ARL15: variants seen among roughly 807,000 people sequenced by gnomAD.
ARL15 encodes the protein ADP-ribosylation factor-like protein 15.
In ARL15, 19 loss-of-function variants were observed where a neutral mutation model predicts 25.2. The observed-to-expected ratio is 0.75, with a 90% confidence interval of 0.53 to 1.10. ARL15 has a LOEUF of 1.10. ARL15 is among the 50% of genes least tolerant of loss of function. ARL15 has a pLI of 0.00. For synonymous variants in ARL15, 94 were observed against 86.8 expected (o/e 1.08, Z -0.46); for missense variants, 220 against 246.0 (o/e 0.89, Z 0.71).
rs3836818 is a variant in ARL15, at chr5:54,075,073, GAAA to G, written c.462+38126_462+38128del. On this transcript the variant is annotated intron_variant, in intron 4 of 4. Transcript: ENST00000504924. ...GAATGATTCTTAGTACAGAATACAG[GAAA>G]AAAAAAAAAAAAAAAAGTCCTGGCC... is the stretch of plus-strand genomic sequence containing the variant. Among the ~76,000 whole-genome samples the G allele has an allele frequency of 1.9e-4, 12 of 63,910 alleles. 1 individual carries two copies. Among genetic ancestry groups the G allele is most frequent in the South Asian group, 1.2e-3 (2 of 1,620 alleles). The allele number at this position is 63,910 out of a possible 152,430, so 41.9% of individuals were successfully genotyped here.
chr5:54,119,131 C>G (rs1450290186), intron 3 of ARL15, among the ~76,000 whole-genome samples: 1 of 152,150 alleles, frequency 6.6e-6, no homozygotes, highest in African/African-American at 2.4e-5. Context: ...TCCAACGGCT[C>G]TTTGCACAGC....
chr5:53,943,913 C>T (rs886283532), intron 4 of ARL15, among the ~76,000 whole-genome samples: 2 of 152,124 alleles, frequency 1.3e-5, no homozygotes, highest in African/African-American at 4.8e-5. Context: ...TAGAATAGTG[C>T]AATGGCTTAA....
chr5:54,008,557 G>A (rs984212700), intron 4 of ARL15, among the ~76,000 whole-genome samples: 1 of 152,200 alleles, frequency 6.6e-6, no homozygotes, highest in Non-Finnish European at 1.5e-5. Context: ...TCACTAACCA[G>A]GGTTTTCTCT....
chr5:54,144,043 T>G (rs1753839909), intron 3 of ARL15, among the ~76,000 whole-genome samples: 1 of 151,990 alleles, frequency 6.6e-6, no homozygotes, highest in African/African-American at 2.4e-5. Context: ...CATGTTAAAA[T>G]CAGAAATAAA....
At chr5:54,079,919 G>T (rs895878079) in intron 4 of ARL15, among the ~76,000 whole-genome samples, 1 of 151,386 alleles carries the variant, frequency 6.6e-6, no homozygotes, top group African/African-American at 2.4e-5. Flanking sequence ...GCAGTGAGCT[G>T]AGATCATGCC....
chr5:54,276,895 C>T (rs2112658827), intron 1 of ARL15, among the ~76,000 whole-genome samples: 1 of 152,274 alleles, frequency 6.6e-6, no homozygotes, highest in African/African-American at 2.4e-5. Context: ...TGGATTCCTA[C>T]CCAGAACGTC....
At chr5:54,097,778 T>C (rs1423850209) in intron 4 of ARL15, among the ~76,000 whole-genome samples, 1 of 152,190 alleles carries the variant, frequency 6.6e-6, no homozygotes, top group African/African-American at 2.4e-5. Flanking sequence ...AAGGAAGAAC[T>C]TTAAAACCTA....
intron 4 of ARL15, chr5:54,075,573 G>C (rs1017083872): frequency 6.6e-6 from 1 of 152,052 alleles, no homozygotes; most frequent in East Asian, 1.9e-4. Flanking sequence ...CACCTCCTCC[G>C]CCTCCTGGGT....
At chr5:54,005,348 G>C (rs1388704357) in intron 4 of ARL15, among the ~76,000 whole-genome samples, 8 of 152,172 alleles carry the variant, frequency 5.3e-5, no homozygotes, top group African/African-American at 1.7e-4. Flanking sequence ...ATTGTTCACA[G>C]GATCCAGTCT....
intron 4 of ARL15, among the ~76,000 whole-genome samples, chr5:53,936,638 G>A (rs1278376923): frequency 1.3e-5 from 2 of 152,222 alleles, no homozygotes; most frequent in Non-Finnish European, 2.9e-5. Context: ...TAAAGTATCT[G>A]ATAGCTGCTC....
At position 54,178,449 on chromosome 5, in the gene ARL15, T is replaced by C. The variant is rs192534111; in HGVS notation, c.49-6521A>G. On this transcript the variant is annotated intron_variant, in intron 1 of 4. Coordinates refer to ENST00000504924, the MANE Select transcript of ARL15 (RefSeq NM_019087.3). Reference sequence around the variant, plus strand: ...CCAGACAGAAACACAAGGTCTCCTATGACAGCTCACCAGGTCTTTTTCTAT... The same window carrying C: ...CCAGACAGAAACACAAGGTCTCCTACGACAGCTCACCAGGTCTTTTTCTAT... Among the ~76,000 whole-genome samples the C allele has an allele frequency of 7.2e-5, 11 of 152,308 alleles. No individual in the cohort carries two copies. The East Asian group carries it at 2.1e-3, about 29-fold the overall frequency.
intron 1 of ARL15, among the ~76,000 whole-genome samples, chr5:54,280,787 G>A (rs1352141811): frequency 6.6e-6 from 1 of 152,134 alleles, no homozygotes; most frequent in African/African-American, 2.4e-5. Context: ...TTAAAAGTAA[G>A]TATCACTATA....
At chr5:54,288,928 C>T (rs1758249762) in intron 1 of ARL15, among the ~76,000 whole-genome samples, 1 of 152,168 alleles carries the variant, frequency 6.6e-6, no homozygotes, top group South Asian at 2.1e-4. Flanking sequence ...GTAGATGAGA[C>T]TTGCAAGAGC....
chr5:54,131,978 A>G (rs971928506), intron 3 of ARL15, among the ~76,000 whole-genome samples: 4 of 152,172 alleles, frequency 2.6e-5, no homozygotes, highest in Non-Finnish European at 5.9e-5. Context: ...AGGGGGAAAA[A>G]GTATGATTAT....
chr5:54,269,910 G>A (rs1319015269), intron 1 of ARL15, among the ~76,000 whole-genome samples: 2 of 152,202 alleles, frequency 1.3e-5, no homozygotes, highest in African/African-American at 2.4e-5. Flanking sequence ...CTCCCAAAGT[G>A]CTGAGATTAC....
intron 3 of ARL15, among the ~76,000 whole-genome samples, chr5:54,153,575 C>T (rs757802535): frequency 6.6e-5 from 10 of 151,964 alleles, no homozygotes; most frequent in South Asian, 4.1e-4. Context: ...AAAGAAAAAT[C>T]GGAATTTATT....
chr5:54,129,056 A>T (rs1165639977), intron 3 of ARL15, among the ~76,000 whole-genome samples: 3 of 152,176 alleles, frequency 2.0e-5, no homozygotes, highest in African/African-American at 7.2e-5. Context: ...CTTTTCAGTG[A>T]GTTATAAGTA....
chr5:53,903,068 G>A (rs572731362), intron 4 of ARL15, among the ~76,000 whole-genome samples: 16 of 152,236 alleles, frequency 1.1e-4, no homozygotes, highest in Non-Finnish European at 1.8e-4. Flanking sequence ...CTTGCAGGCC[G>A]TCTAAAGAAA....
chr5:54,207,272 A>C (rs551580197), intron 1 of ARL15, among the ~76,000 whole-genome samples: 2 of 152,238 alleles, frequency 1.3e-5, no homozygotes, highest in Non-Finnish European at 2.9e-5. Flanking sequence ...AGAGAATTTT[A>C]AAAAGAGGCC....
Sources: gnomAD v4.1 joint callset for allele counts (sites outside exome capture counted in the v4.1 genomes callset) on GRCh38, gnomAD v4.1.1 for gene constraint, MANE v1.5 for transcripts, NCBI Gene and HGNC (gene_info 2026-07-23, HGNC 2026-07-21) for gene names.